QRSL1: variants seen among roughly 807,000 people sequenced by gnomAD.
QRSL1 encodes the protein glutamyl-tRNA(Gln) amidotransferase subunit A, mitochondrial.
Under a neutral mutation model 61.6 loss-of-function variants are expected in QRSL1, and 54 were observed. The ratio of observed to expected loss-of-function variants is 0.88; its 90% CI spans 0.70 to 1.10. QRSL1 has a LOEUF of 1.10. QRSL1 is among the 50% of genes least tolerant of loss of function. The pLI is 0.00. For synonymous variants in QRSL1, 228 were observed against 225.7 expected (o/e 1.01, Z -0.09); for missense variants, 505 against 622.6 (o/e 0.81, Z 2.01).
In QRSL1 at chr6:106,663,026, A is replaced by T. The variant is rs937399802; in HGVS notation, c.1207A>T (p.Ile403Phe). Residue 403 changes from isoleucine to phenylalanine, a missense_variant, in exon 10 of 11, where the codon ATT becomes TTT. By Grantham distance (21) the Ile-to-Phe change is conservative (BLOSUM62 0). Coordinates refer to ENST00000369046, the MANE Select transcript of QRSL1 (RefSeq NM_018292.5). ...FVKAQKVRRLIANDFVNAFNS... is the reference protein window; with the variant it reads ...FVKAQKVRRLFANDFVNAFNS... ...CAAAGCACAGAAAGTGAGACGCCTCATTGCTAATGACTTTGTAAATGCTTT... is the reference window on the plus strand; with the variant it reads ...CAAAGCACAGAAAGTGAGACGCCTCTTTGCTAATGACTTTGTAAATGCTTT... 1.9e-6 allele frequency: 3 copies of T among 1,613,096 alleles called. No individual in the cohort carries two copies. The African/African-American group carries it at 4.0e-5, about 22-fold the overall frequency.
At chr6:106,646,124 A>T (rs1162789613) in intron 4 of QRSL1, among the ~76,000 whole-genome samples, 2 of 152,218 alleles carry the variant, frequency 1.3e-5, no homozygotes, top group African/African-American at 4.8e-5. Flanking sequence ...TTTCATAGAA[A>T]CAAGAGTCCT....
intron 1 of QRSL1, chr6:106,640,002 T>G (rs139160748): frequency 1.0e-4 from 18 of 180,576 alleles, no homozygotes; most frequent in African/African-American, 3.8e-4. Context: ...TAAGCTACCC[T>G]CTGTACAGAA....
chr6:106,635,068 C>A (rs1776899831), intron 1 of QRSL1, among the ~76,000 whole-genome samples: 1 of 151,270 alleles, frequency 6.6e-6, no homozygotes, highest in Non-Finnish European at 1.5e-5. Flanking sequence ...ATCAGTTAAG[C>A]AACTAGATAC....
In QRSL1 at chr6:106,657,939, G is replaced by A. The variant is rs57301827; in HGVS notation, c.1160+2207G>A. 2.0e-4 allele frequency among the ~76,000 whole-genome samples: 30 copies of A among 152,140 alleles called. No individual in the cohort carries two copies. The East Asian group carries it at 5.4e-3, about 27-fold the overall frequency. Reference sequence around the variant, plus strand: ...AGGCTGGTCTCAAACTCCTGACCTCGTGATCCGCCCACCTCAGCCTCCCAA... The same window carrying A: ...AGGCTGGTCTCAAACTCCTGACCTCATGATCCGCCCACCTCAGCCTCCCAA... On this transcript the variant is annotated intron_variant, in intron 9 of 10. Coordinates refer to ENST00000369046, the MANE Select transcript of QRSL1 (RefSeq NM_018292.5).
At position 106,657,018 on chromosome 6, in the gene QRSL1, C is replaced by G. The variant is rs1209364733; in HGVS notation, c.1160+1286C>G. Among the ~76,000 whole-genome samples the G allele has an allele frequency of 2.6e-5, 4 of 152,202 alleles. No individual in the cohort carries two copies. The East Asian group carries it at 7.7e-4, about 29-fold the overall frequency. On this transcript the variant is annotated intron_variant, in intron 9 of 10. Coordinates refer to ENST00000369046, the MANE Select transcript of QRSL1 (RefSeq NM_018292.5). ...GGCCCAGTGGCTCATGCCTGTAATCCTAGCACTTTGGAAGGCCGAGGTGGG... is the reference window on the plus strand; with the variant it reads ...GGCCCAGTGGCTCATGCCTGTAATCGTAGCACTTTGGAAGGCCGAGGTGGG...
At chr6:106,635,586 C>T (rs571486200) in intron 1 of QRSL1, among the ~76,000 whole-genome samples, 110 of 152,278 alleles carry the variant, frequency 7.2e-4, no homozygotes, top group Non-Finnish European at 1.1e-3. Flanking sequence ...AAAGACCATT[C>T]TTTTCTGGCT....
chr6:106,657,643 T>G (rs1307343660), intron 9 of QRSL1, among the ~76,000 whole-genome samples: 1 of 152,152 alleles, frequency 6.6e-6, no homozygotes, highest in Non-Finnish European at 1.5e-5. Flanking sequence ...ACAAAAGTGA[T>G]AGGAAAAATG....
rs868551202 is a variant in QRSL1 at position 106,649,111 on chromosome 6, C to T, written c.467C>T (p.Pro156Leu). 6.2e-7 allele frequency: 1 copy of T among 1,614,124 alleles called. No homozygotes were observed. Among genetic ancestry groups the T allele is most frequent in the South Asian group, 1.1e-5 (1 of 91,072 alleles). The stretch of plus-strand genomic sequence containing the variant: ...TATAGAGAAAAGAGGAAGCAGAATC[C>T]CCACAGCGAGAATGAAGATTCAGAC... ...KQYREKRKQNPHSENEDSDWL... is the reference protein window; with the variant it reads ...KQYREKRKQNLHSENEDSDWL... The change falls in exon 5 of 11, where the codon CCC (proline) becomes CTC (leucine). Residue 156 changes from proline to leucine, a missense_variant. By Grantham distance (98) the Pro-to-Leu change is moderately conservative. Coordinates refer to ENST00000369046, the MANE Select transcript of QRSL1 (RefSeq NM_018292.5).
chr6:106,640,175 A>G, intron 1 of QRSL1, 174 bp from the exon 2 acceptor site: 2 of 592,314 alleles, frequency 3.4e-6, no homozygotes, highest in South Asian at 4.2e-5. Context: ...TGATCAGTGC[A>G]TCACCCTTCA....
chr6:106,654,695 A>G, intron 7 of QRSL1, 35 bp from the exon 8 acceptor site: 1 of 1,547,290 alleles, frequency 6.5e-7, no homozygotes, highest in East Asian at 2.2e-5. Flanking sequence ...TAATCTATAC[A>G]GTTCCAATTT....
intron 3 of QRSL1, 37 bp downstream of exon 3, chr6:106,640,958 A>T (rs1437822119): frequency 6.8e-7 from 1 of 1,465,262 alleles, no homozygotes; most frequent in South Asian, 1.2e-5. Context: ...ATAATTTTAT[A>T]AAAATAGGTA....
chr6:106,660,334 C>G (rs79923394), intron 9 of QRSL1, among the ~76,000 whole-genome samples: 2,776 of 150,918 alleles, frequency 0.018, 49 homozygotes, highest in Non-Finnish European at 0.024. Context: ...CTCCCCACCC[C>G]CCCCGTGAAG....
intron 7 of QRSL1, chr6:106,652,869 AC>A: frequency 9.7e-7 from 1 of 1,025,906 alleles, no homozygotes; most frequent in Non-Finnish European, 1.4e-6. Context: ...GATTTTGTGG[AC>A]CATGCAGTCT....
chr6:106,632,161 A>C (rs1776845738), intron 1 of QRSL1, among the ~76,000 whole-genome samples: 1 of 152,222 alleles, frequency 6.6e-6, no homozygotes, highest in South Asian at 2.1e-4. Context: ...TTATGGCTGA[A>C]TAGTACTCCA....
chr6:106,654,827 C>A lies in QRSL1; in HGVS notation c.947C>A (p.Ser316Tyr). 6.2e-7 allele frequency: 1 copy of A among 1,613,710 alleles called. No individual in the cohort carries two copies. The highest frequency in any genetic ancestry group is 8.5e-7 in the Non-Finnish European group (1 of 1,179,658). ...ESEGAKVIEV[S>Y]LPHTSYSIVC... is the part of the protein sequence containing the mutation. ...GAGGGGGCCAAAGTAATTGAAGTAT[C>A]CCTTCCTCACACCAGTTATTCAATT... The change falls in exon 8 of 11, where the codon TCC becomes TAC. Residue 316 changes from serine to tyrosine, a missense_variant. Ser to Tyr is a moderately radical substitution (Grantham distance 144, BLOSUM62 -2). Coordinates refer to ENST00000369046, the MANE Select transcript of QRSL1 (RefSeq NM_018292.5).
At chr6:106,664,605 G>A (rs1247692088) in intron 10 of QRSL1, among the ~76,000 whole-genome samples, 1 of 152,174 alleles carries the variant, frequency 6.6e-6, no homozygotes, top group Non-Finnish European at 1.5e-5. Context: ...GTCCACTTGT[G>A]CTGTAAGATG....
At chr6:106,658,022 T>C (rs965640771) in intron 9 of QRSL1, among the ~76,000 whole-genome samples, 1 of 152,182 alleles carries the variant, frequency 6.6e-6, no homozygotes. Flanking sequence ...TTATTTTTAA[T>C]TGACATAAAT....
intron 9 of QRSL1, among the ~76,000 whole-genome samples, chr6:106,658,896 C>T (rs1457567089): frequency 6.6e-6 from 1 of 152,032 alleles, no homozygotes; most frequent in Non-Finnish European, 1.5e-5. Flanking sequence ...CTGTCTGGGA[C>T]TCTCTTCACA....
intron 1 of QRSL1, among the ~76,000 whole-genome samples, chr6:106,630,545 C>T (rs1038794860): frequency 5.3e-4 from 80 of 152,240 alleles, no homozygotes; most frequent in African/African-American, 1.8e-3. Context: ...TTTTTGCTTC[C>T]TGGTTCACGT....
Sources: allele counts gnomAD v4.1 joint callset (sites outside exome capture counted in the v4.1 genomes callset), GRCh38; gene constraint gnomAD v4.1.1; transcripts MANE v1.5; gene names NCBI Gene and HGNC (gene_info 2026-07-23, HGNC 2026-07-21).